The following ESRRG variants were observed in gnomAD, a reference collection of about 807,000 sequenced individuals.
The protein encoded by ESRRG is estrogen related receptor gamma, also known as estrogen-related receptor gamma.
ESRRG carries 13 observed loss-of-function variants against 44.0 expected under a neutral mutation model. That is an observed-to-expected ratio of 0.30 (90% CI 0.19 to 0.47). The LOEUF (loss-of-function observed/expected upper bound fraction) is 0.47, where lower values mean the gene tolerates loss of function less well. ESRRG is among the 20% of genes least tolerant of loss of function. The probability of loss-of-function intolerance (pLI) is 1.00; values close to 1 mark genes in which losing one functional copy is unlikely to be tolerated. For missense variants in ESRRG, 395 were observed against 580.6 expected (o/e 0.68, Z 3.29); for synonymous variants, 215 against 214.6 (o/e 1.00, Z -0.02).
chr1:216,693,513 A>T (rs192879630), intron 1 of ESRRG, among the ~76,000 whole-genome samples: 1 of 152,306 alleles, frequency 6.6e-6, no homozygotes, highest in East Asian at 1.9e-4. Flanking sequence ...ACCAAAGTCT[A>T]CAGATGCTCA....
intron 1 of ESRRG, among the ~76,000 whole-genome samples, chr1:217,028,115 A>G (rs747539361): frequency 6.6e-6 from 1 of 151,936 alleles, no homozygotes; most frequent in Non-Finnish European, 1.5e-5. Flanking sequence ...ACACGCCCCC[A>G]CCCCATCACC....
chr1:216,954,053 A>G (rs1333470270), intron 1 of ESRRG, among the ~76,000 whole-genome samples: 1 of 152,092 alleles, frequency 6.6e-6, no homozygotes, highest in Non-Finnish European at 1.5e-5. Flanking sequence ...CTATTTTTCA[A>G]TTGTTAAAGA....
chr1:216,546,066 C>G (rs1558403534), intron 5 of ESRRG, among the ~76,000 whole-genome samples: 1 of 152,018 alleles, frequency 6.6e-6, no homozygotes, highest in Non-Finnish European at 1.5e-5. Flanking sequence ...ACAGATTTCT[C>G]AACATCAGCA....
rs548094519 is a variant in ESRRG at position 217,019,801 on chromosome 1, T to C, written c.-106+69706A>G. Among the ~76,000 whole-genome samples the C allele has an allele frequency of 7.9e-5, 12 of 152,324 alleles. No homozygotes were observed. The East Asian group carries it at 2.1e-3, about 27-fold the overall frequency. On this transcript the variant is annotated intron_variant, in intron 1 of 7. Transcript: ENST00000359162. ...TATCTTATTCATCTTCCATGACTAGTATAGTGTCTGTCTCATAGAAAGCTC... is the reference window on the plus strand; with the variant it reads ...TATCTTATTCATCTTCCATGACTAGCATAGTGTCTGTCTCATAGAAAGCTC...
At chr1:216,618,715 TA>T (rs2061758366) in intron 3 of ESRRG, among the ~76,000 whole-genome samples, 1 of 152,190 alleles carries the variant, frequency 6.6e-6, no homozygotes. Context: ...GGGGAGAGCA[TA>T]AACCTCAAAA....
At chr1:216,724,059 ATTGT>A (rs1172666551), upstream of ESRRG, among the ~76,000 whole-genome samples, 1 of 152,174 alleles carries the variant, frequency 6.6e-6, no homozygotes, top group African/African-American at 2.4e-5. Context: ...ATTCTTCTAA[ATTGT>A]TTGAGCATGT....
At chr1:216,688,457 G>A (rs1575331850) in intron 1 of ESRRG, among the ~76,000 whole-genome samples, 1 of 152,054 alleles carries the variant, frequency 6.6e-6, no homozygotes, top group Non-Finnish European at 1.5e-5. Flanking sequence ...ATCTGGTTTA[G>A]TTCCATAATA....
intron 1 of ESRRG, among the ~76,000 whole-genome samples, chr1:217,100,209 G>A (rs1319316184): frequency 6.6e-6 from 1 of 152,166 alleles, no homozygotes; most frequent in African/African-American, 2.4e-5. Context: ...CAGAAAACCA[G>A]TATCATTTCT....
intron 2 of ESRRG, among the ~76,000 whole-genome samples, chr1:216,817,766 C>T (rs2095184849): frequency 6.6e-6 from 1 of 152,156 alleles, no homozygotes; most frequent in Non-Finnish European, 1.5e-5. Flanking sequence ...GCAAATCATA[C>T]ACTATCAAGT....
At chr1:216,668,356 G>A (rs758664333) in intron 2 of ESRRG, among the ~76,000 whole-genome samples, 22 of 152,112 alleles carry the variant, frequency 1.4e-4, no homozygotes, top group Non-Finnish European at 2.8e-4. Context: ...AGGCTCTTAC[G>A]TAGTGTCACC....
At chr1:216,825,204 G>T (rs2095369749) in intron 2 of ESRRG, among the ~76,000 whole-genome samples, 1 of 152,142 alleles carries the variant, frequency 6.6e-6, no homozygotes, top group South Asian at 2.1e-4. Context: ...AAGCTTCTGG[G>T]CCCAGAGACA....
intron 1 of ESRRG, among the ~76,000 whole-genome samples, chr1:217,103,067 CA>C (rs1177860549): frequency 2.6e-5 from 4 of 152,134 alleles, no homozygotes; most frequent in Non-Finnish European, 5.9e-5. Flanking sequence ...CATTCTGTGT[CA>C]AAGGGGTTTA....
At chr1:216,822,628 A>G (rs890858092) in intron 2 of ESRRG, among the ~76,000 whole-genome samples, 2 of 152,192 alleles carry the variant, frequency 1.3e-5, no homozygotes, top group Non-Finnish European at 2.9e-5. Flanking sequence ...GCTTATCTTT[A>G]AGTCATCAAG....
At chr1:216,617,863 A>G (rs2061629395) in intron 3 of ESRRG, among the ~76,000 whole-genome samples, 2 of 152,176 alleles carry the variant, frequency 1.3e-5, no homozygotes, top group Admixed American at 1.3e-4. Flanking sequence ...CTAATGCTTT[A>G]CAAGATTTTG....
chr1:216,704,239 C>G (rs765290806), intron 1 of ESRRG, among the ~76,000 whole-genome samples: 28 of 152,040 alleles, frequency 1.8e-4, no homozygotes, highest in Non-Finnish European at 3.1e-4. Flanking sequence ...TTCGGCTGGG[C>G]GCGGTGGCTC....
chr1:217,111,610 T>C lies in ESRRG; in HGVS notation c.-230+26057A>G, dbSNP rs561972545. On this transcript the variant is annotated intron_variant, in intron 1 of 8. Transcript: ENST00000366940. ...AACTTTTCAAGGCAGAAGTTTTTTT[T>C]CAAGATTTCTCTGGATTAAAATTTC... Among the ~76,000 whole-genome samples, 10 of 152,314 alleles carry C rather than the reference T, an allele frequency of 6.6e-5. No homozygotes were observed. In the East Asian group the frequency reaches 1.7e-3, roughly 26 times the overall value.
intron 3 of ESRRG, among the ~76,000 whole-genome samples, chr1:216,570,904 A>G (rs1001429668): frequency 6.6e-6 from 1 of 152,222 alleles, no homozygotes; most frequent in African/African-American, 2.4e-5. Flanking sequence ...GTCCTCATAT[A>G]TTGAACAAAA....
intron 5 of ESRRG, among the ~76,000 whole-genome samples, chr1:216,534,886 T>G (rs767509763): frequency 6.6e-6 from 1 of 152,102 alleles, no homozygotes; most frequent in Non-Finnish European, 1.5e-5. Flanking sequence ...GTTTCACGAA[T>G]GCGACCAGAT....
At chr1:216,632,685 G>A (rs1425782533) in intron 3 of ESRRG, among the ~76,000 whole-genome samples, 1 of 152,034 alleles carries the variant, frequency 6.6e-6, no homozygotes, top group African/African-American at 2.4e-5. Flanking sequence ...TCAACAGTTA[G>A]TGAAGCTAAA....
Sources: allele counts gnomAD v4.1 joint callset (sites outside exome capture counted in the v4.1 genomes callset), GRCh38; gene constraint gnomAD v4.1.1; transcripts MANE v1.5; gene names NCBI Gene and HGNC (gene_info 2026-07-23, HGNC 2026-07-21).